Variants in LIFR observed in about 807,000 individuals in gnomAD.
The protein encoded by LIFR is LIF receptor subunit alpha, also known as leukemia inhibitory factor receptor.
Under a neutral mutation model 122.2 loss-of-function variants are expected in LIFR, and 84 were observed. That is an observed-to-expected ratio of 0.69 (90% CI 0.58 to 0.82). LIFR has a LOEUF of 0.82. Among genes scored for constraint, LIFR ranks in the 40% least tolerant of loss-of-function variants. LIFR has a pLI of 0.00. For missense variants in LIFR, 1,294 were observed against 1,311.6 expected (o/e 0.99, Z 0.21); for synonymous variants, 422 against 434.7 (o/e 0.97, Z 0.36).
chr5:38,556,865 C>T (rs1748604761), upstream of LIFR: 1 of 151,558 alleles, frequency 6.6e-6, no homozygotes, highest in Non-Finnish European at 1.5e-5. Flanking sequence ...TTCCTCCGAG[C>T]CTCCGGTGGT....
chr5:38,551,387 A>G (rs1748192222), intron 1 of LIFR, among the ~76,000 whole-genome samples: 1 of 152,138 alleles, frequency 6.6e-6, no homozygotes, highest in African/African-American at 2.4e-5. Flanking sequence ...CTCCAACTCG[A>G]CAGGTACAAC....
At chr5:38,535,894 C>T (rs1396826370) in intron 1 of LIFR, among the ~76,000 whole-genome samples, 1 of 152,184 alleles carries the variant, frequency 6.6e-6, no homozygotes, top group Non-Finnish European at 1.5e-5. Context: ...TGAGGCACCC[C>T]AAGACACCAA....
intron 1 of LIFR, among the ~76,000 whole-genome samples, chr5:38,594,583 A>T (rs574411581): frequency 6.6e-6 from 1 of 152,280 alleles, no homozygotes; most frequent in African/African-American, 2.4e-5. Context: ...AGCTCTCTGT[A>T]CTTTGTGCTC....
At chr5:38,557,966 C>T (rs1748673612), upstream of LIFR, 1 of 152,026 alleles carries the variant, frequency 6.6e-6, no homozygotes, top group South Asian at 2.1e-4. Context: ...TTCTTGAGTC[C>T]TTGATGGTTT....
chr5:38,548,411 TA>T (rs1254402805), intron 1 of LIFR, among the ~76,000 whole-genome samples: 1 of 152,212 alleles, frequency 6.6e-6, no homozygotes, highest in Non-Finnish European at 1.5e-5. Context: ...AAATTCCTTT[TA>T]AAATCAGAGG....
chr5:38,490,365 A>G, intron 14 of LIFR, 74 bp from the exon 15 acceptor site: 3 of 627,006 alleles, frequency 4.8e-6, no homozygotes, highest in Non-Finnish European at 5.6e-6. Flanking sequence ...CATCAAGTTC[A>G]TAACATACTC....
At chr5:38,585,800 A>T (rs1749727252) in intron 1 of LIFR, among the ~76,000 whole-genome samples, 1 of 152,062 alleles carries the variant, frequency 6.6e-6, no homozygotes, top group African/African-American at 2.4e-5. Context: ...TAATAATTTT[A>T]AAAAATATAA....
Position 38,511,976 on chromosome 5 carries a change from C to T in LIFR, c.562-12G>A, listed in dbSNP as rs551186831. The T allele has an allele frequency of 2.6e-4, 423 of 1,613,102 alleles. 1 individual carries two copies. The highest frequency in any genetic ancestry group is 3.5e-4 in the Non-Finnish European group (410 of 1,179,482). On this transcript the variant is annotated splice_polypyrimidine_tract_variant and intron_variant, in intron 5 of 19. Coordinates refer to ENST00000453190, the MANE Select transcript of LIFR (RefSeq NM_001127671.2). ...GTGTTGTGGGTCACCTAAAAATGAA[C>T]ACAAACACAAAACTGTATTTCCAAG...
intron 9 of LIFR, among the ~76,000 whole-genome samples, chr5:38,504,484 G>A (rs1299070680): frequency 6.6e-6 from 1 of 151,302 alleles, no homozygotes; most frequent in South Asian, 2.1e-4. Flanking sequence ...AGTTCTAAAT[G>A]AATGATACAG....
At chr5:38,556,688 G>C (rs995308120), upstream of LIFR, 23 of 145,406 alleles carry the variant, frequency 1.6e-4, no homozygotes, top group South Asian at 1.5e-3. Context: ...TCGGCTGGGG[G>C]CGCAGCGGGC....
intron 1 of LIFR, among the ~76,000 whole-genome samples, chr5:38,534,532 A>G (rs950787837): frequency 1.3e-5 from 2 of 152,216 alleles, no homozygotes; most frequent in African/African-American, 4.8e-5. Context: ...ATTTATCAGT[A>G]TATAGGTCTA....
intron 1 of LIFR, among the ~76,000 whole-genome samples, chr5:38,548,233 T>G (rs1748004856): frequency 1.3e-5 from 2 of 152,194 alleles, no homozygotes; most frequent in South Asian, 4.1e-4. Context: ...AGTAGCAATT[T>G]TAAGCCTATT....
intron 14 of LIFR, chr5:38,490,527 G>T (rs1461344620): frequency 3.9e-6 from 1 of 254,412 alleles, no homozygotes; most frequent in African/African-American, 2.3e-5. Context: ...AGATGGGATT[G>T]CATTGAAGAG....
At chr5:38,541,273 A>G (rs1313944671) in intron 1 of LIFR, among the ~76,000 whole-genome samples, 2 of 152,216 alleles carry the variant, frequency 1.3e-5, no homozygotes, top group Non-Finnish European at 1.5e-5. Flanking sequence ...ATTCTTGTTA[A>G]GAAATAAAAT....
intron 1 of LIFR, among the ~76,000 whole-genome samples, chr5:38,554,277 A>C (rs1748396919): frequency 6.6e-6 from 1 of 152,254 alleles, no homozygotes; most frequent in African/African-American, 2.4e-5. Flanking sequence ...AAGATGCCAA[A>C]GACTCTTATG....
Position 38,490,295 on chromosome 5 carries a change from T to TA in LIFR, c.2066-5dup, listed in dbSNP as rs1472095259. The TA allele has an allele frequency of 7.5e-7, 1 of 1,324,648 alleles. No homozygotes were observed. Among genetic ancestry groups the TA allele is most frequent in the East Asian group, 2.3e-5 (1 of 43,074 alleles). 82.1% of individuals were successfully genotyped at this position (1,324,648 alleles called of 1,614,324 possible). ...CTTATACCTGGTCGAAACTCATCTA[T>TA]AGGATGAACATATCAGCAAACTTTC... On this transcript the variant is annotated splice_polypyrimidine_tract_variant and splice_region_variant and intron_variant, in intron 14 of 19. Coordinates refer to ENST00000453190, the MANE Select transcript of LIFR (RefSeq NM_001127671.2).
At chr5:38,499,770 C>G (rs1042267855) in intron 11 of LIFR, among the ~76,000 whole-genome samples, 187 bp from the exon 12 acceptor site, 1 of 152,120 alleles carries the variant, frequency 6.6e-6, no homozygotes, top group Non-Finnish European at 1.5e-5. Context: ...ACGGCCCCCT[C>G]GAATGGGTGA....
At chr5:38,520,784 T>C (rs1746358131) in intron 5 of LIFR, among the ~76,000 whole-genome samples, 1 of 152,240 alleles carries the variant, frequency 6.6e-6, no homozygotes, top group African/African-American at 2.4e-5. Flanking sequence ...TCTGTTCCAC[T>C]GGTCTATGTA....
At chr5:38,564,909 G>A (rs901300114) in intron 1 of LIFR, among the ~76,000 whole-genome samples, 4 of 151,922 alleles carry the variant, frequency 2.6e-5, no homozygotes, top group African/African-American at 9.7e-5. Flanking sequence ...GAGTAGCTGG[G>A]ATTACAGGCG....
Sources: gnomAD v4.1 joint callset for allele counts (sites outside exome capture counted in the v4.1 genomes callset) on GRCh38, gnomAD v4.1.1 for gene constraint, MANE v1.5 for transcripts, NCBI Gene and HGNC (gene_info 2026-07-23, HGNC 2026-07-21) for gene names.